Variants in ARL15 observed in about 807,000 individuals in gnomAD.
ARL15 encodes the protein ARF like GTPase 15.
Under a neutral mutation model 25.2 loss-of-function variants are expected in ARL15, and 19 were observed. The observed-to-expected ratio is 0.75, with a 90% confidence interval of 0.53 to 1.10. ARL15 has a LOEUF of 1.10. ARL15 is among the 50% of genes least tolerant of loss of function. ARL15 has a pLI of 0.00. For missense variants in ARL15, 220 were observed against 246.0 expected (o/e 0.89, Z 0.71); for synonymous variants, 94 against 86.8 (o/e 1.08, Z -0.46).
chr5:54,172,527 C>T (rs540291140), intron 1 of ARL15, among the ~76,000 whole-genome samples: 1 of 151,912 alleles, frequency 6.6e-6, no homozygotes, highest in African/African-American at 2.4e-5. Flanking sequence ...TGAATTTAAT[C>T]AATGTACTGT....
At chr5:54,268,451 CCTT>C (rs1268298943) in intron 1 of ARL15, among the ~76,000 whole-genome samples, 2 of 152,324 alleles carry the variant, frequency 1.3e-5, no homozygotes, top group South Asian at 4.1e-4. Flanking sequence ...TCGTCTGAAG[CCTT>C]CTTCTCTCAA....
intron 3 of ARL15, among the ~76,000 whole-genome samples, chr5:54,126,065 C>T (rs1753243157): frequency 6.6e-6 from 1 of 152,124 alleles, no homozygotes; most frequent in Non-Finnish European, 1.5e-5. Flanking sequence ...AGTTTCCACC[C>T]TCAGAGTGCA....
intron 1 of ARL15, among the ~76,000 whole-genome samples, chr5:54,287,015 C>G (rs1332849717): frequency 6.6e-6 from 1 of 151,930 alleles, no homozygotes; most frequent in Non-Finnish European, 1.5e-5. Context: ...ATAGCTAGGA[C>G]TACAGGCGCA....
At chr5:54,076,060 T>C (rs1185755090) in intron 4 of ARL15, among the ~76,000 whole-genome samples, 6 of 152,040 alleles carry the variant, frequency 3.9e-5, no homozygotes, top group Admixed American at 3.9e-4. Flanking sequence ...ACAGAGTTGG[T>C]ACAACGATTA....
intron 4 of ARL15, among the ~76,000 whole-genome samples, chr5:53,896,044 T>C (rs572403488): frequency 2.2e-4 from 33 of 152,102 alleles, no homozygotes; most frequent in African/African-American, 7.2e-4. Flanking sequence ...CTTTTTAATG[T>C]TTTTTTTGAG....
chr5:54,026,453 A>C (rs1749789569), intron 4 of ARL15, among the ~76,000 whole-genome samples: 1 of 152,112 alleles, frequency 6.6e-6, no homozygotes, highest in African/African-American at 2.4e-5. Context: ...TATTTTTTGC[A>C]GAGATGGGGT....
intron 1 of ARL15, among the ~76,000 whole-genome samples, chr5:54,252,289 A>C (rs776689536): frequency 1.3e-5 from 2 of 152,208 alleles, no homozygotes; most frequent in African/African-American, 4.8e-5. Flanking sequence ...TTTATGGAAG[A>C]GACTGCCTCA....
At chr5:53,896,586 C>T (rs781557905) in intron 4 of ARL15, among the ~76,000 whole-genome samples, 6 of 152,058 alleles carry the variant, frequency 3.9e-5, no homozygotes, top group East Asian at 1.9e-4. Flanking sequence ...CTCCACCTCC[C>T]GGGTTGTTCA....
intron 4 of ARL15, among the ~76,000 whole-genome samples, chr5:54,023,304 A>T (rs1470625415): frequency 6.6e-6 from 1 of 152,186 alleles, no homozygotes; most frequent in African/African-American, 2.4e-5. Flanking sequence ...GACACATTTA[A>T]AAATATTACA....
At position 53,927,782 on chromosome 5, in the gene ARL15, T is replaced by C. The variant is rs1746075277; in HGVS notation, c.463-41069A>G. ...AAACTGAGCATCACTGAATCAAAAA[T>C]GTATGATTTGAAAGAGGGCTGCAGC... On this transcript the variant is annotated intron_variant, in intron 4 of 4. Coordinates refer to ENST00000504924, the MANE Select transcript of ARL15 (RefSeq NM_019087.3). Among the ~76,000 whole-genome samples the C allele has an allele frequency of 1.3e-5, 2 of 152,036 alleles. 1 individual carries two copies. Among genetic ancestry groups the C allele is most frequent in the South Asian group, 4.2e-4 (2 of 4,818 alleles).
intron 4 of ARL15, among the ~76,000 whole-genome samples, chr5:54,058,739 T>A (rs1750967573): frequency 6.6e-6 from 1 of 152,034 alleles, no homozygotes; most frequent in Non-Finnish European, 1.5e-5. Context: ...AGTGGTGGAA[T>A]CCAGATCAGA....
chr5:54,213,960 A>G (rs891031544), intron 1 of ARL15, among the ~76,000 whole-genome samples: 2 of 152,200 alleles, frequency 1.3e-5, no homozygotes, highest in Non-Finnish European at 1.5e-5. Context: ...TATCAGATAT[A>G]CTTACGACTA....
At chr5:54,224,403 G>A (rs1412096669) in intron 1 of ARL15, among the ~76,000 whole-genome samples, 1 of 152,204 alleles carries the variant, frequency 6.6e-6, no homozygotes, top group African/African-American at 2.4e-5. Context: ...AAGAATCCAA[G>A]TATACGAGGC....
At chr5:54,295,825 T>G (rs1489388703) in intron 1 of ARL15, among the ~76,000 whole-genome samples, 2 of 152,118 alleles carry the variant, frequency 1.3e-5, no homozygotes, top group Non-Finnish European at 2.9e-5. Flanking sequence ...ACCCTGCCTC[T>G]CAGGAAACAT....
intron 1 of ARL15, among the ~76,000 whole-genome samples, chr5:54,227,432 C>T (rs1756555305): frequency 6.6e-6 from 1 of 152,196 alleles, no homozygotes; most frequent in Non-Finnish European, 1.5e-5. Flanking sequence ...CTCTGGGAGG[C>T]AGGTATTACT....
chr5:53,919,962 G>A (rs2112012864), intron 4 of ARL15, among the ~76,000 whole-genome samples: 1 of 152,298 alleles, frequency 6.6e-6, no homozygotes, highest in South Asian at 2.1e-4. Flanking sequence ...AATAACAGCT[G>A]TCTTTGAAGG....
intron 3 of ARL15, among the ~76,000 whole-genome samples, chr5:54,143,512 G>A (rs566520195): frequency 4.6e-5 from 7 of 151,624 alleles, no homozygotes; most frequent in South Asian, 4.2e-4. Flanking sequence ...AGCTGAATAT[G>A]TAATATTTTT....
At chr5:54,163,202 T>G (rs934959381) in intron 2 of ARL15, among the ~76,000 whole-genome samples, 2 of 152,090 alleles carry the variant, frequency 1.3e-5, no homozygotes, top group African/African-American at 2.4e-5. Flanking sequence ...ATAAACTGAT[T>G]GATTTTTGAA....
chr5:54,061,195 C>A (rs1474691708), intron 4 of ARL15, among the ~76,000 whole-genome samples: 1 of 152,186 alleles, frequency 6.6e-6, no homozygotes, highest in Non-Finnish European at 1.5e-5. Flanking sequence ...GTGTCCCAGC[C>A]ACTCCAGCTG....
Sources: allele counts gnomAD v4.1 joint callset (sites outside exome capture counted in the v4.1 genomes callset), GRCh38; gene constraint gnomAD v4.1.1; transcripts MANE v1.5; gene names NCBI Gene and HGNC (gene_info 2026-07-23, HGNC 2026-07-21).